Variants in ZCCHC14 observed in about 807,000 individuals in gnomAD.
The protein encoded by ZCCHC14 is zinc finger CCHC-type containing 14, also known as zinc finger CCHC domain-containing protein 14.
ZCCHC14 carries 16 observed loss-of-function variants against 85.0 expected under a neutral mutation model. The observed-to-expected ratio is 0.19, with a 90% CI of 0.13 to 0.29. The LOEUF (loss-of-function observed/expected upper bound fraction) is 0.29. ZCCHC14 is among the 10% of genes least tolerant of loss of function. The probability of loss-of-function intolerance (pLI) is 1.00; values close to 1 mark genes in which losing one functional copy is unlikely to be tolerated. For synonymous variants in ZCCHC14, 775 were observed against 630.7 expected (o/e 1.23, Z -3.43); for missense variants, 1,303 against 1,443.5 (o/e 0.90, Z 1.58).
intron 2 of ZCCHC14, among the ~76,000 whole-genome samples, chr16:87,449,350 G>C (rs985526713): frequency 6.6e-6 from 1 of 152,012 alleles, no homozygotes; most frequent in African/African-American, 2.4e-5. Flanking sequence ...AGTAGAAAGG[G>C]ATAGATGCAG....
Position 87,412,338 on chromosome 16 carries a change from G to C in ZCCHC14, c.2383C>G (p.Pro795Ala), listed in dbSNP as rs760541829. 6.2e-7 allele frequency: 1 copy of C among 1,614,134 alleles called. No individual in the cohort carries two copies. Among genetic ancestry groups the C allele is most frequent in the Admixed American group, 1.7e-5 (1 of 60,038 alleles). Residue 795 changes from proline (P) to alanine (A), a missense_variant, in exon 12 of 13, where the codon CCT becomes GCT. Pro to Ala is a conservative substitution (Grantham distance 27). Around this residue, in one of 7 missense-constraint regions of ZCCHC14, gnomAD observed 797 missense variants for 730.8 expected, o/e 1.09. Coordinates refer to ENST00000671377, the MANE Select transcript of ZCCHC14 (RefSeq NM_015144.3). Reference protein sequence around the residue: ...DSAISGQTSCPNNVQISVPPA... With the variant: ...DSAISGQTSCANNVQISVPPA... Reference sequence around the variant, plus strand: ...GGCACACTTATTTGCACATTATTAGGACAGGAAGTTTGCCCAGAAATGGCA... The same window carrying C: ...GGCACACTTATTTGCACATTATTAGCACAGGAAGTTTGCCCAGAAATGGCA...
intron 2 of ZCCHC14, among the ~76,000 whole-genome samples, chr16:87,452,582 G>A (rs186342348): frequency 2.4e-3 from 368 of 152,300 alleles, no homozygotes; most frequent in South Asian, 0.013. Flanking sequence ...AGAGAGGCAA[G>A]GGGAAAGCCA....
intron 8 of ZCCHC14, among the ~76,000 whole-genome samples, chr16:87,417,213 A>T (rs1412008519): frequency 2.6e-5 from 4 of 152,174 alleles, no homozygotes; most frequent in Admixed American, 1.3e-4. Flanking sequence ...CCCGTCACGC[A>T]GAGCATCTAG....
At chr16:87,430,719 A>C (rs912598988) in intron 3 of ZCCHC14, among the ~76,000 whole-genome samples, 1 of 151,208 alleles carries the variant, frequency 6.6e-6, no homozygotes. Context: ...TCAGGGTTTC[A>C]CCATGTTGGC....
At chr16:87,470,015 G>A (rs1205944854) in intron 1 of ZCCHC14, among the ~76,000 whole-genome samples, 1 of 152,188 alleles carries the variant, frequency 6.6e-6, no homozygotes, top group Non-Finnish European at 1.5e-5. Flanking sequence ...TGAGGCAGGA[G>A]GATCGCTTGA....
chr16:87,417,371 T>C, intron 8 of ZCCHC14, 89 bp downstream of exon 8: 1 of 1,540,514 alleles, frequency 6.5e-7, no homozygotes, highest in South Asian at 1.2e-5. Flanking sequence ...TTCATCCACC[T>C]TGTGTTGGTT....
At chr16:87,470,973 C>T (rs138500883) in intron 1 of ZCCHC14, 2 of 152,000 alleles carry the variant, frequency 1.3e-5, no homozygotes, top group African/African-American at 2.4e-5. Context: ...TACCTCCCTA[C>T]AAGATGTGAA....
At position 87,492,495 on chromosome 16, in the gene ZCCHC14, G is replaced by A. The variant is rs1435558351; in HGVS notation, c.-257C>T. Reference sequence around the variant, plus strand: ...GGGGGGGCCCGGGGCGGCCGGGGCGGCCGGGGGCGGCGAGCGGCCTCGGGC... The same window carrying A: ...GGGGGGGCCCGGGGCGGCCGGGGCGACCGGGGGCGGCGAGCGGCCTCGGGC... On this transcript the variant is annotated 5_prime_UTR_variant, in exon 1 of 13. Coordinates refer to ENST00000671377, the MANE Select transcript of ZCCHC14 (RefSeq NM_015144.3). The surrounding 1 kb of genome is among the most constrained non-coding windows in gnomAD (Gnocchi z 6.7). 2.1e-5 allele frequency: 3 copies of A among 145,204 alleles called. No individual in the cohort carries two copies. Among genetic ancestry groups the A allele is most frequent in the Non-Finnish European group, 4.6e-5 (3 of 65,466 alleles). 9.0% of individuals were successfully genotyped at this position (145,204 alleles called of 1,614,324 possible). A position where few individuals can be genotyped will look rare whatever the true frequency, so the allele number is the denominator to read the frequency against.
chr16:87,442,948 A>T (rs1419245404), intron 2 of ZCCHC14, among the ~76,000 whole-genome samples: 1 of 152,222 alleles, frequency 6.6e-6, no homozygotes, highest in Non-Finnish European at 1.5e-5. Context: ...AACTGAGAGG[A>T]CTGTTTGTCA....
At chr16:87,426,235 G>A (rs1909363519) in intron 3 of ZCCHC14, among the ~76,000 whole-genome samples, 1 of 152,194 alleles carries the variant, frequency 6.6e-6, no homozygotes, top group Admixed American at 6.5e-5. Flanking sequence ...AGGGGAACCG[G>A]CCGTTAGAGG....
chr16:87,421,816 C>T (rs1007669461), intron 4 of ZCCHC14, among the ~76,000 whole-genome samples: 1 of 152,102 alleles, frequency 6.6e-6, no homozygotes. Flanking sequence ...CAGGACCCCA[C>T]TAAGGGCCCT....
At chr16:87,452,166 G>A (rs1910738257) in intron 2 of ZCCHC14, among the ~76,000 whole-genome samples, 1 of 152,254 alleles carries the variant, frequency 6.6e-6, no homozygotes, top group Non-Finnish European at 1.5e-5. Context: ...AGGCCTAGAT[G>A]AGGGGGAAGA....
At chr16:87,480,955 G>A (rs1185980174) in intron 1 of ZCCHC14, among the ~76,000 whole-genome samples, 1 of 152,188 alleles carries the variant, frequency 6.6e-6, no homozygotes, top group South Asian at 2.1e-4. Context: ...GGACAGGCAG[G>A]GGACAGATCA....
chr16:87,452,403 GT>G (rs1910749319), intron 2 of ZCCHC14, among the ~76,000 whole-genome samples: 2 of 152,198 alleles, frequency 1.3e-5, no homozygotes, highest in Non-Finnish European at 2.9e-5. Context: ...CTTGGAGTCT[GT>G]AAGGGTCTCA....
intron 2 of ZCCHC14, among the ~76,000 whole-genome samples, chr16:87,453,661 C>T (rs554885421): frequency 6.6e-6 from 1 of 152,340 alleles, no homozygotes; most frequent in East Asian, 1.9e-4. Flanking sequence ...GCAGAAGCCT[C>T]GACCTTGTCC....
chr16:87,461,074 T>C (rs969252894), intron 1 of ZCCHC14, among the ~76,000 whole-genome samples: 3 of 152,222 alleles, frequency 2.0e-5, no homozygotes, highest in Admixed American at 6.5e-5. Context: ...AGAGACCTGC[T>C]AAGCACAGAC....
At chr16:87,447,184 C>T (rs900504728) in intron 2 of ZCCHC14, among the ~76,000 whole-genome samples, 7 of 151,972 alleles carry the variant, frequency 4.6e-5, no homozygotes, top group African/African-American at 7.3e-5. Flanking sequence ...TTAAAGATGG[C>T]GGAAGAAACA....
intron 2 of ZCCHC14, among the ~76,000 whole-genome samples, chr16:87,442,905 C>G (rs4240795): frequency 0.84 from 127,443 of 152,150 alleles, 53,906 homozygotes; most frequent in Non-Finnish European, 0.87. Flanking sequence ...TACATCCAGT[C>G]AAGGTGAAAT....
At chr16:87,432,445 C>T (rs1909709664) in intron 3 of ZCCHC14, among the ~76,000 whole-genome samples, 1 of 152,150 alleles carries the variant, frequency 6.6e-6, no homozygotes, top group Non-Finnish European at 1.5e-5. Flanking sequence ...AGGATGAACG[C>T]GTGAGGACTG....
Sources: gnomAD v4.1 joint callset for allele counts (sites outside exome capture counted in the v4.1 genomes callset) on GRCh38, gnomAD v4.1.1 for gene constraint, gnomAD v4.1.1 regional missense constraint, Gnocchi (gnomAD v3.1) non-coding constraint, MANE v1.5 for transcripts, NCBI Gene and HGNC (gene_info 2026-07-23, HGNC 2026-07-21) for gene names.